The following KSR2 variants were observed in gnomAD, a reference collection of about 807,000 sequenced individuals.
KSR2 encodes the protein kinase suppressor of ras 2.
A neutral mutation model predicts 107.8 loss-of-function variants in KSR2; 25 were observed. The observed-to-expected ratio is 0.23, with a 90% CI of 0.17 to 0.32. The LOEUF is 0.32. KSR2 is among the 10% of genes least tolerant of loss of function. The pLI is 1.00. For synonymous variants in KSR2, 480 were observed against 507.0 expected, an observed-to-expected ratio of 0.95 and a Z score of 0.71; for missense variants, 887 against 1,268.9, an observed-to-expected ratio of 0.70 and a Z score of 4.57.
chr12:117,697,311 C>T (rs1375339145), intron 4 of KSR2, among the ~76,000 whole-genome samples: 6 of 152,214 alleles, frequency 3.9e-5, no homozygotes, highest in Non-Finnish European at 7.3e-5. Context: ...GCCTCCTCCA[C>T]CCCCAGAGGG....
At chr12:117,789,602 G>A (rs1245432095) in intron 3 of KSR2, among the ~76,000 whole-genome samples, 1 of 152,172 alleles carries the variant, frequency 6.6e-6, no homozygotes, top group East Asian at 1.9e-4. Context: ...TTAAGCCCAC[G>A]TTTGGATCTT....
intron 1 of KSR2, among the ~76,000 whole-genome samples, chr12:117,965,401 A>T (rs1036987499): frequency 6.6e-6 from 1 of 152,216 alleles, no homozygotes; most frequent in Non-Finnish European, 1.5e-5. Context: ...AGCTGAACAC[A>T]TGCCTAATGG....
At chr12:117,942,013 A>G (rs560744968) in intron 1 of KSR2, among the ~76,000 whole-genome samples, 1 of 152,072 alleles carries the variant, frequency 6.6e-6, no homozygotes, top group Non-Finnish European at 1.5e-5. Flanking sequence ...CCATAGATGA[A>G]CAAAAGTCTT....
intron 4 of KSR2, among the ~76,000 whole-genome samples, chr12:117,704,926 A>G (rs1038979766): frequency 6.6e-6 from 1 of 151,888 alleles, no homozygotes; most frequent in Admixed American, 6.6e-5. Flanking sequence ...GGAGCTATTG[A>G]CTCTAACCTA....
At chr12:117,639,040 T>G (rs754218000) in intron 5 of KSR2, among the ~76,000 whole-genome samples, 10 of 152,118 alleles carry the variant, frequency 6.6e-5, no homozygotes, top group Non-Finnish European at 1.5e-4. Flanking sequence ...ATCCCGGCCC[T>G]CATTCAAATA....
At chr12:117,731,003 C>T (rs2893724) in intron 4 of KSR2, among the ~76,000 whole-genome samples, 48,773 of 149,906 alleles carry the variant, frequency 0.33, 9,243 homozygotes, top group Admixed American at 0.46. Flanking sequence ...TCTGCCCAGC[C>T]GCCCAGTCTG....
chr12:117,883,774 G>A (rs956124230), intron 1 of KSR2, among the ~76,000 whole-genome samples: 1 of 151,742 alleles, frequency 6.6e-6, no homozygotes, highest in African/African-American at 2.4e-5. Flanking sequence ...TACTTGGGAG[G>A]CTGAGGCAGG....
At chr12:117,497,272 C>T (rs961965821) in intron 14 of KSR2, among the ~76,000 whole-genome samples, 5 of 152,022 alleles carry the variant, frequency 3.3e-5, no homozygotes, top group Admixed American at 6.6e-5. Flanking sequence ...CATGAGGAGA[C>T]AATATGCAAA....
chr12:117,824,968 T>C (rs911948677), intron 3 of KSR2, among the ~76,000 whole-genome samples: 2 of 151,244 alleles, frequency 1.3e-5, no homozygotes, highest in African/African-American at 4.9e-5. Flanking sequence ...TCACTTGAGG[T>C]CAGGAGTCTG....
chr12:117,726,982 T>G (rs1488880216), intron 4 of KSR2, among the ~76,000 whole-genome samples: 1 of 152,174 alleles, frequency 6.6e-6, no homozygotes, highest in Non-Finnish European at 1.5e-5. Context: ...CCCCAGTAAC[T>G]GTAAATGTGA....
chr12:117,552,919 T>G (rs1273514838), intron 9 of KSR2, among the ~76,000 whole-genome samples: 1 of 152,242 alleles, frequency 6.6e-6, no homozygotes, highest in Non-Finnish European at 1.5e-5. Context: ...TCCCAGTTGA[T>G]TCCCATTATG....
At chr12:117,833,980 T>G (rs1423450040) in intron 3 of KSR2, among the ~76,000 whole-genome samples, 1 of 151,468 alleles carries the variant, frequency 6.6e-6, no homozygotes, top group African/African-American at 2.4e-5. Flanking sequence ...AAAAAAATTT[T>G]CATTAAAAAA....
intron 1 of KSR2, among the ~76,000 whole-genome samples, chr12:117,919,356 C>G (rs1895277348): frequency 6.6e-6 from 1 of 152,176 alleles, no homozygotes; most frequent in Non-Finnish European, 1.5e-5. Context: ...CCGCATCTTT[C>G]TGTAGCTGTC....
chr12:117,791,138 T>C (rs1890233878), intron 3 of KSR2, among the ~76,000 whole-genome samples: 1 of 152,092 alleles, frequency 6.6e-6, no homozygotes, highest in Admixed American at 6.6e-5. Context: ...CCAACTCTCA[T>C]CTCCTGCCAC....
intron 10 of KSR2, among the ~76,000 whole-genome samples, chr12:117,535,059 T>A (rs1875941006): frequency 6.6e-6 from 1 of 152,174 alleles, no homozygotes; most frequent in Admixed American, 6.5e-5. Flanking sequence ...TTTGTTACAA[T>A]AACAATAGGA....
chr12:117,703,458 G>C (rs1261220261), intron 4 of KSR2, among the ~76,000 whole-genome samples: 1 of 152,134 alleles, frequency 6.6e-6, no homozygotes, highest in African/African-American at 2.4e-5. Flanking sequence ...CCTGGTGCTA[G>C]ATGTTGGGAT....
chr12:117,828,503 T>C (rs964520082), intron 3 of KSR2, among the ~76,000 whole-genome samples: 4 of 152,240 alleles, frequency 2.6e-5, no homozygotes, highest in Non-Finnish European at 4.4e-5. Context: ...TATAACTCAT[T>C]ACATACTTAA....
At chr12:117,590,594 A>G (rs926076083) in intron 5 of KSR2, among the ~76,000 whole-genome samples, 14 of 152,182 alleles carry the variant, frequency 9.2e-5, no homozygotes, top group African/African-American at 3.1e-4. Flanking sequence ...TGCCTCTTGA[A>G]TTTAACACAT....
chr12:117,715,016 C>A (rs1446959386), intron 4 of KSR2, among the ~76,000 whole-genome samples: 2 of 151,646 alleles, frequency 1.3e-5, no homozygotes, highest in Admixed American at 6.6e-5. Flanking sequence ...TTTCAGAGCC[C>A]CAGAAAAAAA....
Sources: gnomAD v4.1 joint callset for allele counts (sites outside exome capture counted in the v4.1 genomes callset) on GRCh38, gnomAD v4.1.1 for gene constraint, MANE v1.5 for transcripts, NCBI Gene and HGNC (gene_info 2026-07-23, HGNC 2026-07-21) for gene names.